Variants in CCL5 observed in about 807,000 individuals in gnomAD.
The protein encoded by CCL5 is C-C motif chemokine 5.
Under a neutral mutation model 9.0 loss-of-function variants are expected in CCL5, and 5 were observed. The ratio of observed to expected loss-of-function variants is 0.55; its 90% confidence interval spans 0.29 to 1.16. CCL5 has a LOEUF of 1.16. CCL5 is among the 50% of genes most tolerant of loss of function. The probability of loss-of-function intolerance (pLI) is 0.08; values close to 1 mark genes in which losing one functional copy is unlikely to be tolerated. For synonymous variants in CCL5, 66 were observed against 72.0 expected, an observed-to-expected ratio of 0.92 and a Z score of 0.42; for missense variants, 183 against 183.2, an observed-to-expected ratio of 1.00 and a Z score of 0.01.
chr17:35,875,872 G>A (rs931369747), intron 2 of CCL5, among the ~76,000 whole-genome samples: 7 of 152,012 alleles, frequency 4.6e-5, no homozygotes, highest in East Asian at 3.9e-4. Context: ...TCTTCTTTGC[G>A]TTTTTTCCTA....
In CCL5 at chr17:35,871,953, G is replaced by T. The variant is rs2088370912; in HGVS notation, c.*317C>A. The T allele has an allele frequency of 8.3e-6, 1 of 121,138 alleles. No individual in the cohort carries two copies. Among genetic ancestry groups the T allele is most frequent in the Non-Finnish European group, 1.6e-5 (1 of 61,558 alleles). The allele number at this position is 121,138 out of a possible 1,614,324, so 7.5% of individuals were successfully genotyped here. ...TTTTTTTTTTTTGAGACGGAGTCTC[G>T]CTCTGTCGCCCAGGCTGGAGTGCAG... On this transcript the variant is annotated 3_prime_UTR_variant, in exon 4 of 4. Transcript: ENST00000651122.
chr17:35,879,832 C>A (rs2088492792), intron 1 of CCL5, among the ~76,000 whole-genome samples: 1 of 152,060 alleles, frequency 6.6e-6, no homozygotes, highest in Non-Finnish European at 1.5e-5. Context: ...ATGGCTGTCT[C>A]AGGGTCTCAG....
intron 3 of CCL5, among the ~76,000 whole-genome samples, chr17:35,875,001 A>G (rs1240168801): frequency 6.6e-6 from 1 of 152,098 alleles, no homozygotes; most frequent in African/African-American, 2.4e-5. Flanking sequence ...CAAACAACAC[A>G]GAAATTCCGC....
At chr17:35,878,282 C>CCAA (rs2088468298) in intron 2 of CCL5, among the ~76,000 whole-genome samples, 1 of 31,974 alleles carries the variant, frequency 3.1e-5, no homozygotes, top group African/African-American at 1.1e-4. Context: ...GACTCTGTCT[C>CCAA]AAAAAAAAAA....
chr17:35,873,700 C>T (rs561749554), intron 3 of CCL5, among the ~76,000 whole-genome samples: 1 of 152,198 alleles, frequency 6.6e-6, no homozygotes, highest in South Asian at 2.1e-4. Flanking sequence ...AGAAATAATT[C>T]TTTGCACAAT....
chr17:35,874,033 C>T (rs1229477070), intron 3 of CCL5, among the ~76,000 whole-genome samples: 1 of 152,182 alleles, frequency 6.6e-6, no homozygotes, highest in Non-Finnish European at 1.5e-5. Context: ...CCTCACCTGT[C>T]TGCTGGGAAA....
chr17:35,880,206 G>C, intron 1 of CCL5, 24 bp downstream of exon 1: 2 of 1,602,110 alleles, frequency 1.2e-6, no homozygotes, highest in Non-Finnish European at 1.7e-6. Context: ...TCCAGGGGCT[G>C]TGGTGGTCAA....
chr17:35,872,487 G>A (rs1456234584), intron 3 of CCL5, 23 bp from the exon 3 acceptor site: 1 of 1,609,848 alleles, frequency 6.2e-7, no homozygotes, highest in South Asian at 1.1e-5. Flanking sequence ...AGAAGAAGAG[G>A]GAGGATGAGA....
Position 35,878,589 on chromosome 17 carries a change from G to A in CCL5, c.127C>T (p.Pro43Ser). 1 of 1,614,008 alleles carries A rather than the reference G, an allele frequency of 6.2e-7. No individual in the cohort carries two copies. Among genetic ancestry groups the A allele is most frequent in the South Asian group, 1.1e-5 (1 of 91,064 alleles). Residue 43 changes from proline (P) to serine (S), a missense_variant, in exon 2 of 4, where the codon CCC (proline) becomes TCC (serine). By Grantham distance (74) the Pro-to-Ser change is moderately conservative. Transcript: ENST00000651122. Reference sequence around the variant, plus strand: ...AAATACTCCTTGATGTGGGCACGGGGCAGTGGGCGGGCAATGTAGGCAAAG... The same window carrying A: ...AAATACTCCTTGATGTGGGCACGGGACAGTGGGCGGGCAATGTAGGCAAAG...
At chr17:35,874,865 G>C (rs902578795) in intron 3 of CCL5, among the ~76,000 whole-genome samples, 1 of 152,100 alleles carries the variant, frequency 6.6e-6, no homozygotes, top group Non-Finnish European at 1.5e-5. Flanking sequence ...ACCCGCCTCA[G>C]CCTCCCAAAG....
In CCL5 at chr17:35,873,256, C is replaced by T. The variant is rs2088397713; in HGVS notation, c.271-792G>A. ...AGGCTGGAGTGCAGTGGCACGATCT[C>T]AGCTCACTGCAAGTTCCACCTCCCG... On this transcript the variant is annotated intron_variant, in intron 3 of 3. Coordinates refer to ENST00000651122, the MANE Select transcript of CCL5 (RefSeq NM_001278736.2). Among the ~76,000 whole-genome samples the T allele has an allele frequency of 2.0e-5, 3 of 149,934 alleles. No homozygotes were observed. In the South Asian group the frequency reaches 6.3e-4, roughly 31 times the overall value.
Position 35,875,575 on chromosome 17 carries a change from G to C in CCL5, c.256C>G (p.Leu86Val). ...CAGACACAGACCTTGCCCTTGTTCA[G>C]CCGGGAGTCATACAGGAAATCCTGC... Residue 86 changes from leucine to valine, a missense_variant, in exon 3 of 4, where the codon CTG becomes GTG. Physicochemically the swap from Leu to Val is conservative, Grantham distance 32. Coordinates refer to ENST00000651122, the MANE Select transcript of CCL5 (RefSeq NM_001278736.2). 7.1e-6 allele frequency: 7 copies of C among 985,132 alleles called. No homozygotes were observed. The highest frequency in any genetic ancestry group is 8.4e-6 in the Non-Finnish European group (7 of 829,674). 61.0% of individuals were successfully genotyped at this position (985,132 alleles called of 1,614,324 possible).
Position 35,880,320 on chromosome 17 carries a change from A to G in CCL5, c.-15T>C, listed in dbSNP as rs1168594984. On this transcript the variant is annotated 5_prime_UTR_variant, in exon 1 of 4. Transcript: ENST00000651122. ...GAGACCTTCATGGTACCTGTGGGAGAGGCTGTGCGAGGTCCACGTGCTGTC... is the reference window on the plus strand; with the variant it reads ...GAGACCTTCATGGTACCTGTGGGAGGGGCTGTGCGAGGTCCACGTGCTGTC... 1 of 1,602,990 alleles carries G rather than the reference A, an allele frequency of 6.2e-7. No homozygotes were observed. The highest frequency in any genetic ancestry group is 8.5e-7 in the Non-Finnish European group (1 of 1,173,514).
chr17:35,880,151 G>T, intron 1 of CCL5, 79 bp downstream of exon 1: 1 of 1,074,772 alleles, frequency 9.3e-7, no homozygotes, highest in East Asian at 2.4e-5. Flanking sequence ...GGCAAGGTGT[G>T]GGACAGTCAT....
chr17:35,874,690 A>C (rs991047372), intron 3 of CCL5, among the ~76,000 whole-genome samples: 1 of 152,088 alleles, frequency 6.6e-6, no homozygotes, highest in Non-Finnish European at 1.5e-5. Flanking sequence ...GGCTCACTGC[A>C]ACCTTCGCCT....
chr17:35,872,477 A>T lies in CCL5; in HGVS notation c.271-13T>A. 6.2e-7 allele frequency: 1 copy of T among 1,613,340 alleles called. No homozygotes were observed. Among genetic ancestry groups the T allele is most frequent in the South Asian group, 1.1e-5 (1 of 91,032 alleles). On this transcript the variant is annotated splice_polypyrimidine_tract_variant and intron_variant, in intron 3 of 3. Transcript: ENST00000651122. ...TCGGGTGACAAAGCTGTGGGAGAGG[A>T]GAAGAAGAGGGAGGATGAGACCTTG...
intron 1 of CCL5, among the ~76,000 whole-genome samples, chr17:35,878,906 T>C (rs1165554397): frequency 4.6e-5 from 7 of 152,188 alleles, no homozygotes; most frequent in African/African-American, 1.7e-4. Context: ...TCCTCCTGGC[T>C]TGTCCTGGGT....
At chr17:35,879,489 G>T (rs113309604) in intron 1 of CCL5, among the ~76,000 whole-genome samples, 42 of 152,144 alleles carry the variant, frequency 2.8e-4, no homozygotes, top group African/African-American at 9.9e-4. Flanking sequence ...CAAAACATTA[G>T]CAGGGTGTGG....
chr17:35,874,816 T>G (rs2088420065), intron 3 of CCL5, among the ~76,000 whole-genome samples: 1 of 152,172 alleles, frequency 6.6e-6, no homozygotes, highest in South Asian at 2.1e-4. Flanking sequence ...TTTCATCATG[T>G]TGGCCAGGCT....
Sources: gnomAD v4.1 joint callset for allele counts (sites outside exome capture counted in the v4.1 genomes callset) on GRCh38, gnomAD v4.1.1 for gene constraint, MANE v1.5 for transcripts, NCBI Gene and HGNC (gene_info 2026-07-23, HGNC 2026-07-21) for gene names.